Variants in TBC1D2B observed in about 807,000 individuals in gnomAD.
TBC1D2B encodes the protein TBC1 domain family member 2B.
In TBC1D2B, 64 loss-of-function variants were observed where a neutral mutation model predicts 100.8. That is an observed-to-expected ratio of 0.64 (90% CI 0.52 to 0.78). The LOEUF is 0.78. Among genes scored for constraint, TBC1D2B ranks in the 30% least tolerant of loss-of-function variants. The probability of loss-of-function intolerance (pLI) is 0.00; values close to 1 mark genes in which losing one functional copy is unlikely to be tolerated. For missense variants in TBC1D2B, 1,052 were observed against 1,218.4 expected, an observed-to-expected ratio of 0.86 and a Z score of 2.03; for synonymous variants, 480 against 479.7, an observed-to-expected ratio of 1.00 and a Z score of -0.01.
At chr15:78,024,135 G>A in intron 6 of TBC1D2B, 21 bp downstream of exon 6, 1 of 1,590,074 alleles carries the variant, frequency 6.3e-7, no homozygotes. Flanking sequence ...CCAATCACCA[G>A]AGCCCCTGCC....
chr15:78,023,117 C>T (rs2072556976), intron 6 of TBC1D2B, among the ~76,000 whole-genome samples: 1 of 152,170 alleles, frequency 6.6e-6, no homozygotes, highest in African/African-American at 2.4e-5. Flanking sequence ...AAAGGTACTG[C>T]TAGGCATGAA....
intron 8 of TBC1D2B, among the ~76,000 whole-genome samples, chr15:78,016,171 T>C (rs532783915): frequency 1.3e-5 from 2 of 152,306 alleles, no homozygotes; most frequent in Non-Finnish European, 2.9e-5. Flanking sequence ...GGGGTGTGTG[T>C]GTGTGTAAGC....
chr15:78,046,857 A>G (rs1006586628), intron 2 of TBC1D2B, among the ~76,000 whole-genome samples: 2 of 151,442 alleles, frequency 1.3e-5, no homozygotes, highest in African/African-American at 4.8e-5. Flanking sequence ...GCACTGGTAA[A>G]GGAAACAGAG....
chr15:78,060,193 T>G (rs1596328598), intron 1 of TBC1D2B, among the ~76,000 whole-genome samples: 1 of 152,342 alleles, frequency 6.6e-6, no homozygotes, highest in Non-Finnish European at 1.5e-5. Flanking sequence ...AGTCCAGTAG[T>G]TAGCACTAAG....
intron 4 of TBC1D2B, among the ~76,000 whole-genome samples, chr15:78,028,425 C>G (rs1394099276): frequency 6.6e-6 from 1 of 152,184 alleles, no homozygotes; most frequent in Non-Finnish European, 1.5e-5. Flanking sequence ...GAGCCGAGAT[C>G]GCGCCACTGC....
intron 1 of TBC1D2B, among the ~76,000 whole-genome samples, chr15:78,071,910 G>C (rs986997970): frequency 9.9e-5 from 15 of 152,192 alleles, no homozygotes; most frequent in African/African-American, 1.7e-4. Context: ...TCAAGGTGCT[G>C]GTCAATTTGG....
intron 1 of TBC1D2B, among the ~76,000 whole-genome samples, chr15:78,058,109 T>A (rs1308981639): frequency 6.6e-6 from 1 of 152,188 alleles, no homozygotes; most frequent in Non-Finnish European, 1.5e-5. Flanking sequence ...ATAAATACGA[T>A]AGTATTAAAA....
At chr15:78,031,552 T>C (rs1188446839) in intron 3 of TBC1D2B, among the ~76,000 whole-genome samples, 1 of 4,112 alleles carries the variant, frequency 2.4e-4, no homozygotes, top group Non-Finnish European at 3.2e-3. Context: ...AGACTCTGTC[T>C]CCAAAAAAAA....
intron 1 of TBC1D2B, among the ~76,000 whole-genome samples, chr15:78,074,286 G>T (rs1014404774): frequency 2.0e-5 from 3 of 152,040 alleles, no homozygotes; most frequent in African/African-American, 7.2e-5. Context: ...GCCTCCCAAA[G>T]TGCTGGGATT....
intron 2 of TBC1D2B, 92 bp downstream of exon 2, chr15:78,053,942 C>T: frequency 1.5e-6 from 2 of 1,350,584 alleles, no homozygotes; most frequent in Non-Finnish European, 2.0e-6. Context: ...TATTTTCTTT[C>T]TAAATTCATT....
chr15:78,055,177 G>A (rs1484309191), intron 1 of TBC1D2B, among the ~76,000 whole-genome samples: 3 of 152,096 alleles, frequency 2.0e-5, no homozygotes, highest in Admixed American at 6.5e-5. Context: ...AGGGAGGGGA[G>A]CAGCTGACTA....
At chr15:78,005,970 A>G (rs187678891) in intron 10 of TBC1D2B, among the ~76,000 whole-genome samples, 16 of 152,330 alleles carry the variant, frequency 1.1e-4, no homozygotes, top group African/African-American at 3.8e-4. Context: ...TGTTCTAAGC[A>G]TTACATTCAA....
At chr15:78,039,848 C>T (rs1243740362) in intron 3 of TBC1D2B, among the ~76,000 whole-genome samples, 1 of 152,058 alleles carries the variant, frequency 6.6e-6, no homozygotes, top group Admixed American at 6.6e-5. Flanking sequence ...ACATCACACA[C>T]CCAATAAGTA....
At chr15:78,028,942 T>A (rs949348690) in intron 4 of TBC1D2B, among the ~76,000 whole-genome samples, 2 of 152,236 alleles carry the variant, frequency 1.3e-5, no homozygotes, top group African/African-American at 4.8e-5. Flanking sequence ...GTGGGTCTTG[T>A]TTGAATCCTC....
At chr15:78,018,765 A>G (rs1222917605) in intron 6 of TBC1D2B, among the ~76,000 whole-genome samples, 1 of 152,218 alleles carries the variant, frequency 6.6e-6, no homozygotes, top group East Asian at 1.9e-4. Flanking sequence ...AAAGGGGGTG[A>G]AGTGTTTTCA....
At chr15:78,077,264 G>C in intron 1 of TBC1D2B, 29 bp downstream of exon 1, 1 of 1,406,424 alleles carries the variant, frequency 7.1e-7, no homozygotes, top group South Asian at 1.5e-5. Context: ...GCGGAAGCGC[G>C]CGGGCGGCTT....
At chr15:78,009,216 C>A in intron 9 of TBC1D2B, 102 bp from the exon 10 acceptor site, 2 of 745,080 alleles carry the variant, frequency 2.7e-6, no homozygotes, top group South Asian at 1.7e-5. Context: ...CTCTCATGGC[C>A]AAAATTATTT....
At chr15:78,066,458 C>G (rs562359939) in intron 1 of TBC1D2B, among the ~76,000 whole-genome samples, 1 of 152,260 alleles carries the variant, frequency 6.6e-6, no homozygotes, top group Admixed American at 6.5e-5. Flanking sequence ...AGATCTGCAG[C>G]AGAAGGGCTG....
chr15:78,045,118 A>C, intron 2 of TBC1D2B, 50 bp from the exon 3 acceptor site: 2 of 1,534,274 alleles, frequency 1.3e-6, no homozygotes, highest in Non-Finnish European at 1.8e-6. Flanking sequence ...TCCACACGAA[A>C]CTTGACATCC....
Sources: gnomAD v4.1 joint callset for allele counts (sites outside exome capture counted in the v4.1 genomes callset) on GRCh38, gnomAD v4.1.1 for gene constraint, MANE v1.5 for transcripts, NCBI Gene and HGNC (gene_info 2026-07-23, HGNC 2026-07-21) for gene names.